BCAS3: variants seen among roughly 807,000 people sequenced by gnomAD.
The protein encoded by BCAS3 is BCAS4/BCAS3 fusion.
BCAS3 carries 53 observed loss-of-function variants against 116.1 expected under a neutral mutation model. That is an observed-to-expected ratio of 0.46 (90% CI 0.37 to 0.57). BCAS3 has a LOEUF of 0.57. BCAS3 is among the 20% of genes least tolerant of loss of function. The probability of loss-of-function intolerance (pLI) is 0.00; values close to 1 mark genes in which losing one functional copy is unlikely to be tolerated. For missense variants in BCAS3, 917 were observed against 1,165.4 expected, an observed-to-expected ratio of 0.79 and a Z score of 3.10; for synonymous variants, 391 against 408.2, an observed-to-expected ratio of 0.96 and a Z score of 0.51.
chr17:61,366,097 C>A lies in BCAS3; in HGVS notation c.2426-2230C>A, dbSNP rs541187297. On this transcript the variant is annotated intron_variant, in intron 22 of 23. Coordinates refer to ENST00000407086, the MANE Select transcript of BCAS3 (RefSeq NM_017679.5). This position sits in a 1 kb window ranked among gnomAD's most constrained non-coding sequence, Gnocchi z 4.5. ...GGCAGAGGTTGCCGTGAGCCAAGAT[C>A]ATACCACTGCACTCCATCCTGGGCG... Among the ~76,000 whole-genome samples, 1 of 150,742 alleles carries A rather than the reference C, an allele frequency of 6.6e-6. No individual in the cohort carries two copies. The highest frequency in any genetic ancestry group is 2.1e-4 in the South Asian group (1 of 4,770).
At chr17:61,074,113 GAAAA>G (rs917229045) in intron 19 of BCAS3, among the ~76,000 whole-genome samples, 6 of 61,230 alleles carry the variant, frequency 9.8e-5, no homozygotes, top group African/African-American at 1.5e-4. Context: ...TATCTCTTAA[GAAAA>G]AAAAAAAAAA....
intron 4 of BCAS3, among the ~76,000 whole-genome samples, chr17:60,697,677 G>T (rs999255576): frequency 6.6e-6 from 1 of 151,672 alleles, no homozygotes; most frequent in African/African-American, 2.4e-5. Flanking sequence ...CCCACCAGTT[G>T]CAAACAGTCT....
At chr17:61,250,751 T>A (rs2048309462) in intron 22 of BCAS3, among the ~76,000 whole-genome samples, 1 of 152,180 alleles carries the variant, frequency 6.6e-6, no homozygotes, top group Non-Finnish European at 1.5e-5. Context: ...TCTGGATACT[T>A]GTAGACTGAG....
At chr17:60,719,417 GACAA>G (rs758120083) in intron 5 of BCAS3, among the ~76,000 whole-genome samples, 32 of 152,322 alleles carry the variant, frequency 2.1e-4, no homozygotes, top group African/African-American at 3.6e-4. Context: ...CGTCTTTTAT[GACAA>G]ACAGTTTGAA....
Position 61,286,725 on chromosome 17 carries a change from A to G in BCAS3, c.2426-81602A>G, listed in dbSNP as rs2051827997. 6.6e-6 allele frequency among the ~76,000 whole-genome samples: 1 copy of G among 152,152 alleles called. No individual in the cohort carries two copies. The highest frequency in any genetic ancestry group is 2.4e-5 in the African/African-American group (1 of 41,434). On this transcript the variant is annotated intron_variant, in intron 22 of 23. Coordinates refer to ENST00000407086, the MANE Select transcript of BCAS3 (RefSeq NM_017679.5). This position sits in a 1 kb window ranked among gnomAD's most constrained non-coding sequence, Gnocchi z 4.8. ...ACCTTCAGAGTAGGTTGGACTGTAA[A>G]TATGTTTGGTCTCTAAACTCTGCCA... is the stretch of plus-strand genomic sequence containing the variant.
intron 22 of BCAS3, among the ~76,000 whole-genome samples, chr17:61,345,097 G>A (rs1237116076): frequency 6.6e-6 from 1 of 152,146 alleles, no homozygotes; most frequent in Admixed American, 6.5e-5. Context: ...GCCTCACACA[G>A]CACCAGCTCT....
At position 61,004,816 on chromosome 17, in the gene BCAS3, G is replaced by A. The variant is rs1408900509; in HGVS notation, c.1487-10935G>A. ...TTACTATTTCAGAATGGACCAAGGT[G>A]GAATTAACATGGGCACTGTTGTTGT... On this transcript the variant is annotated intron_variant, in intron 15 of 23. Coordinates refer to ENST00000407086, the MANE Select transcript of BCAS3 (RefSeq NM_017679.5). The surrounding 1 kb of genome is among the most constrained non-coding windows in gnomAD (Gnocchi z 4.8). Among the ~76,000 whole-genome samples, 1 of 152,102 alleles carries A rather than the reference G, an allele frequency of 6.6e-6. No homozygotes were observed. The highest frequency in any genetic ancestry group is 1.5e-5 in the Non-Finnish European group (1 of 67,992).
rs1433267821 is a variant in BCAS3 at position 61,140,705 on chromosome 17, ATTGT to A, written c.2425+56146_2425+56149del. ...TCTTTGTAAAGTCAATTAAAAGCTA[ATTGT>A]TTGTGATTTTTTAAGTTAATAAATA... On this transcript the variant is annotated intron_variant, in intron 22 of 23. Transcript: ENST00000407086. This position sits in a 1 kb window ranked among gnomAD's most constrained non-coding sequence, Gnocchi z 4.2. Among the ~76,000 whole-genome samples, 2 of 152,104 alleles carry A rather than the reference ATTGT, an allele frequency of 1.3e-5. No individual in the cohort carries two copies. Among genetic ancestry groups the A allele is most frequent in the Non-Finnish European group, 2.9e-5 (2 of 68,026 alleles).
At chr17:61,173,951 C>A (rs139950337) in intron 22 of BCAS3, among the ~76,000 whole-genome samples, 2 of 152,134 alleles carry the variant, frequency 1.3e-5, no homozygotes, top group African/African-American at 4.8e-5. Flanking sequence ...GAAAAACAAA[C>A]CTTAGTTCTT....
chr17:61,043,543 G>A (rs969450685), intron 19 of BCAS3, among the ~76,000 whole-genome samples: 6 of 151,924 alleles, frequency 3.9e-5, no homozygotes, highest in African/African-American at 1.4e-4. Context: ...GAGTTGTCAC[G>A]TTCTCCCCAT....
chr17:60,738,213 A>G (rs1442744308), intron 5 of BCAS3, among the ~76,000 whole-genome samples: 1 of 152,226 alleles, frequency 6.6e-6, no homozygotes, highest in East Asian at 1.9e-4. Flanking sequence ...GATGTCAGTT[A>G]TATCCAGTTG....
At position 61,196,204 on chromosome 17, in the gene BCAS3, G is replaced by A. The variant is rs2080468392; in HGVS notation, c.2425+111640G>A. 2.0e-5 allele frequency among the ~76,000 whole-genome samples: 3 copies of A among 152,120 alleles called. No individual in the cohort carries two copies. Among genetic ancestry groups the A allele is most frequent in the South Asian group, 4.1e-4 (2 of 4,826 alleles). On this transcript the variant is annotated intron_variant, in intron 22 of 23. Transcript: ENST00000407086. This position sits in a 1 kb window ranked among gnomAD's most constrained non-coding sequence, Gnocchi z 4.7. ...TGAACTACTAGAGAGACGTTATTCC[G>A]TAACACAGTGAATCTCAGAATTTAT...
At position 61,226,103 on chromosome 17, in the gene BCAS3, T is replaced by C. The variant is rs903390481; in HGVS notation, c.2425+141539T>C. Among the ~76,000 whole-genome samples, 1 of 152,134 alleles carries C rather than the reference T, an allele frequency of 6.6e-6. No individual in the cohort carries two copies. The highest frequency in any genetic ancestry group is 1.5e-5 in the Non-Finnish European group (1 of 68,030). On this transcript the variant is annotated intron_variant, in intron 22 of 23. Transcript: ENST00000407086. This position sits in a 1 kb window ranked among gnomAD's most constrained non-coding sequence, Gnocchi z 6.0. ...GGTGCCTGTCGAGAGTCCCAGCTGC[T>C]TGGGGGGCTAAGGTGGGAGGATCAT...
intron 22 of BCAS3, among the ~76,000 whole-genome samples, chr17:61,262,668 A>G (rs999857262): frequency 6.7e-6 from 1 of 149,664 alleles, no homozygotes; most frequent in African/African-American, 2.5e-5. Context: ...GGCGTGAGCC[A>G]CCTTGCCCGG....
chr17:60,997,067 C>T (rs551660664), intron 15 of BCAS3, among the ~76,000 whole-genome samples: 40 of 152,202 alleles, frequency 2.6e-4, no homozygotes, highest in African/African-American at 9.4e-4. Flanking sequence ...CTGAGATCAC[C>T]GGGCATGAAT....
intron 6 of BCAS3, among the ~76,000 whole-genome samples, chr17:60,753,666 C>T (rs1057015576): frequency 1.3e-5 from 2 of 152,098 alleles, no homozygotes; most frequent in African/African-American, 4.8e-5. Context: ...GCCTCGGCCT[C>T]CCAAAGTGCT....
Position 60,962,595 on chromosome 17 carries a change from T to G in BCAS3, c.1221+15243T>G, listed in dbSNP as rs1005015208. 6.6e-6 allele frequency among the ~76,000 whole-genome samples: 1 copy of G among 152,052 alleles called. No individual in the cohort carries two copies. The highest frequency in any genetic ancestry group is 1.5e-5 in the Non-Finnish European group (1 of 68,000). On this transcript the variant is annotated intron_variant, in intron 14 of 23. Coordinates refer to ENST00000407086, the MANE Select transcript of BCAS3 (RefSeq NM_017679.5). The surrounding 1 kb of genome is among the most constrained non-coding windows in gnomAD (Gnocchi z 4.4). The stretch of plus-strand genomic sequence containing the variant: ...ATTTTAAAATTGGATTATTTGGGGG[T>G]TTTTGCTATTGAGTTACTTGAGCTC...
At chr17:60,773,346 C>T (rs2044933399) in intron 6 of BCAS3, among the ~76,000 whole-genome samples, 1 of 132,558 alleles carries the variant, frequency 7.5e-6, no homozygotes, top group African/African-American at 3.0e-5. Flanking sequence ...GGCTGAAATG[C>T]AGAGGTATTA....
intron 22 of BCAS3, among the ~76,000 whole-genome samples, chr17:61,165,945 G>A (rs571828114): frequency 6.6e-6 from 1 of 152,144 alleles, no homozygotes; most frequent in Non-Finnish European, 1.5e-5. Context: ...AAGTGATAGA[G>A]CTGGAAGTCA....
Sources: allele counts gnomAD v4.1 joint callset (sites outside exome capture counted in the v4.1 genomes callset), GRCh38; gene constraint gnomAD v4.1.1; non-coding constraint Gnocchi (gnomAD v3.1); transcripts MANE v1.5; gene names NCBI Gene and HGNC (gene_info 2026-07-23, HGNC 2026-07-21).